The following CRYL1 variants were observed in gnomAD, a reference collection of about 807,000 sequenced individuals.
CRYL1 encodes the protein lambda-crystallin homolog.
CRYL1 carries 29 observed loss-of-function variants against 36.6 expected under a neutral mutation model. The ratio of observed to expected loss-of-function variants is 0.79; its 90% CI spans 0.59 to 1.08. The LOEUF (loss-of-function observed/expected upper bound fraction) is 1.08, where lower values mean the gene tolerates loss of function less well. Ranked by LOEUF, CRYL1 falls within the 50% of genes least tolerant of loss-of-function variation. The pLI, the probability that CRYL1 is intolerant of heterozygous loss-of-function variation, is 0.00. For synonymous variants in CRYL1, 152 were observed against 151.5 expected (o/e 1.00, Z -0.02); for missense variants, 411 against 407.9 (o/e 1.01, Z -0.06).
chr13:20,404,809 G>T, intron 6 of CRYL1, 68 bp from the exon 7 acceptor site: 1 of 1,100,022 alleles, frequency 9.1e-7, no homozygotes, highest in Non-Finnish European at 1.4e-6. Context: ...TTCAAACTCA[G>T]AAATGCATTC....
chr13:20,405,096 C>T (rs2031330861), intron 6 of CRYL1, among the ~76,000 whole-genome samples: 2 of 152,138 alleles, frequency 1.3e-5, no homozygotes, highest in African/African-American at 4.8e-5. Flanking sequence ...ATGGTGAAAC[C>T]CCGTCTCTAC....
chr13:20,413,510 G>T, intron 5 of CRYL1, 123 bp from the exon 6 acceptor site: 1 of 604,256 alleles, frequency 1.7e-6, no homozygotes, highest in South Asian at 2.2e-5. Flanking sequence ...TATACAGGGT[G>T]AGTACCACTT....
At chr13:20,520,576 C>T (rs185052251) in intron 1 of CRYL1, among the ~76,000 whole-genome samples, 1 of 152,158 alleles carries the variant, frequency 6.6e-6, no homozygotes. Context: ...GCCCCACTTC[C>T]CTTTCAGTCT....
intron 3 of CRYL1, among the ~76,000 whole-genome samples, chr13:20,470,921 AAAAAAC>A (rs1367285000): frequency 1.3e-5 from 2 of 150,170 alleles, no homozygotes; most frequent in African/African-American, 2.5e-5. Flanking sequence ...AAAAAAAAAA[AAAAAAC>A]AAAAAAAAAA....
rs2033227976 is a variant in CRYL1 at position 20,479,279 on chromosome 13, T to A, written c.276+10091A>T. On this transcript the variant is annotated intron_variant, in intron 3 of 7. Coordinates refer to ENST00000298248, the MANE Select transcript of CRYL1 (RefSeq NM_015974.3). ...ATCAGCAGACCCAACACTGGCAAGCTTGAAATCCAACTGTGCTAACACATG... is the reference window on the plus strand; with the variant it reads ...ATCAGCAGACCCAACACTGGCAAGCATGAAATCCAACTGTGCTAACACATG... 2.0e-5 allele frequency among the ~76,000 whole-genome samples: 3 copies of A among 152,182 alleles called. 1 individual carries two copies. The highest frequency in any genetic ancestry group is 2.0e-4 in the Admixed American group (3 of 15,268).
At chr13:20,461,638 T>C (rs1213999284) in intron 3 of CRYL1, among the ~76,000 whole-genome samples, 3 of 151,966 alleles carry the variant, frequency 2.0e-5, no homozygotes, top group African/African-American at 2.4e-5. Context: ...AACGGCCAGA[T>C]ACACAAAGCC....
intron 2 of CRYL1, among the ~76,000 whole-genome samples, chr13:20,507,743 C>T (rs1291740039): frequency 1.4e-4 from 21 of 151,778 alleles, no homozygotes; most frequent in African/African-American, 4.8e-4. Flanking sequence ...ACAGTGAAAC[C>T]CCGTCTCTAC....
At chr13:20,429,212 CTTCTGTAAAACTTCCCCAA>C (rs2032000088) in intron 5 of CRYL1, among the ~76,000 whole-genome samples, 1 of 152,174 alleles carries the variant, frequency 6.6e-6, no homozygotes, top group African/African-American at 2.4e-5. Context: ...TACTTAGCCT[CTTCTGTAAAACTTCCCCAA>C]TTCTGCTCCT....
At chr13:20,469,559 C>T (rs2033011999) in intron 3 of CRYL1, among the ~76,000 whole-genome samples, 1 of 152,310 alleles carries the variant, frequency 6.6e-6, no homozygotes, top group South Asian at 2.1e-4. Flanking sequence ...CTGGGAGGGA[C>T]TCGGGGTTCA....
chr13:20,428,080 C>T (rs952783855), intron 5 of CRYL1, among the ~76,000 whole-genome samples: 16 of 152,292 alleles, frequency 1.1e-4, no homozygotes, highest in Middle Eastern at 6.8e-3. Context: ...CTGGAAAATT[C>T]TACCAAATAT....
At chr13:20,458,720 A>C (rs2032738609) in intron 3 of CRYL1, among the ~76,000 whole-genome samples, 1 of 152,202 alleles carries the variant, frequency 6.6e-6, no homozygotes, top group African/African-American at 2.4e-5. Context: ...AGTGCTCAAA[A>C]GCCATGTGGA....
intron 2 of CRYL1, among the ~76,000 whole-genome samples, chr13:20,505,564 G>C (rs774279688): frequency 6.6e-6 from 1 of 152,078 alleles, no homozygotes; most frequent in Non-Finnish European, 1.5e-5. Context: ...GACAGGAAAC[G>C]TGCCTGTTGC....
At chr13:20,454,652 C>G (rs542271921) in intron 3 of CRYL1, among the ~76,000 whole-genome samples, 2 of 152,156 alleles carry the variant, frequency 1.3e-5, no homozygotes, top group African/African-American at 4.8e-5. Context: ...ATCTCCTGAC[C>G]TCATGATCCA....
chr13:20,473,248 C>T (rs1565976171), intron 3 of CRYL1, among the ~76,000 whole-genome samples: 1 of 152,224 alleles, frequency 6.6e-6, no homozygotes, highest in African/African-American at 2.4e-5. Flanking sequence ...GCAGGAGTGG[C>T]GGGGAGACCC....
rs775135564 is a variant in CRYL1 at position 20,404,675 on chromosome 13, A to C, written c.806T>G (p.Ile269Ser). The change falls in exon 7 of 8, where the codon ATT becomes AGT. Residue 269 changes from isoleucine to serine, a missense_variant. By Grantham distance (142) the Ile-to-Ser change is moderately radical. Transcript: ENST00000298248. ...IKHVLQTFGPIPEFSRATAEK... is the reference protein window; with the variant it reads ...IKHVLQTFGPSPEFSRATAEK... The stretch of plus-strand genomic sequence containing the variant: ...AGCAGTGGCCCTGGAAAACTCTGGA[A>C]TGGGTCCAAAAGTCTGTAGGACATG... 8.7e-6 allele frequency: 14 copies of C among 1,613,960 alleles called. No individual in the cohort carries two copies. Among genetic ancestry groups the C allele is most frequent in the African/African-American group, 1.3e-5 (1 of 74,928 alleles).
chr13:20,431,231 G>T, intron 5 of CRYL1: 1 of 985,432 alleles, frequency 1.0e-6, no homozygotes, highest in Non-Finnish European at 1.2e-6. Flanking sequence ...CTCAGGCAAG[G>T]CTCGGTGTGT....
intron 4 of CRYL1, among the ~76,000 whole-genome samples, chr13:20,434,818 G>A (rs977265187): frequency 4.0e-5 from 6 of 150,750 alleles, no homozygotes; most frequent in African/African-American, 1.2e-4. Context: ...GACCAACTCC[G>A]GACACACCAT....
At chr13:20,433,464 GC>G (rs1208085484) in intron 4 of CRYL1, among the ~76,000 whole-genome samples, 1 of 152,174 alleles carries the variant, frequency 6.6e-6, no homozygotes, top group Non-Finnish European at 1.5e-5. Context: ...ATGAGCAGAA[GC>G]TTCCATTTAA....
intron 3 of CRYL1, among the ~76,000 whole-genome samples, chr13:20,483,585 G>A (rs1244648108): frequency 2.0e-5 from 3 of 152,108 alleles, no homozygotes; most frequent in Non-Finnish European, 4.4e-5. Context: ...TATCACCCAG[G>A]CTGGAGTACA....
Sources: allele counts gnomAD v4.1 joint callset (sites outside exome capture counted in the v4.1 genomes callset), GRCh38; gene constraint gnomAD v4.1.1; transcripts MANE v1.5; gene names NCBI Gene and HGNC (gene_info 2026-07-23, HGNC 2026-07-21).